Variants in LILRB2 observed in about 807,000 individuals in gnomAD.
LILRB2 encodes leukocyte immunoglobulin-like receptor subfamily B member 2.
Under a neutral mutation model 72.7 loss-of-function variants are expected in LILRB2, and 47 were observed. The observed-to-expected ratio is 0.65, with a 90% CI of 0.51 to 0.82. The LOEUF (loss-of-function observed/expected upper bound fraction) is 0.82. Ranked by LOEUF, LILRB2 falls within the 40% of genes least tolerant of loss-of-function variation. The probability of loss-of-function intolerance (pLI) is 0.00; values close to 1 mark genes in which losing one functional copy is unlikely to be tolerated. For missense variants in LILRB2, 767 were observed against 764.8 expected, an observed-to-expected ratio of 1.00 and a Z score of -0.03; for synonymous variants, 279 against 313.7, an observed-to-expected ratio of 0.89 and a Z score of 1.17.
rs55849651 is a variant in LILRB2, at chr19:54,273,856, TCACACACACACACA to T, written c.*813_*826del. 3.4e-4 allele frequency: 51 copies of T among 148,992 alleles called. No individual in the cohort carries two copies. Among genetic ancestry groups the T allele is most frequent in the African/African-American group, 1.2e-3 (49 of 40,658 alleles). The allele number at this position is 148,992 out of a possible 1,614,324, so 9.2% of individuals were successfully genotyped here. Reference sequence around the variant, plus strand: ...ACATTTTTATTACAGTCAATGTTTTTCACACACACACACACACACACACACACACATATATATAC... The same window carrying T: ...ACATTTTTATTACAGTCAATGTTTTTCACACACACACACACATATATATAC... On this transcript the variant is annotated 3_prime_UTR_variant, in exon 14 of 14. Coordinates refer to ENST00000314446, the MANE Select transcript of LILRB2 (RefSeq NM_001080978.4).
chr19:54,279,633 G>T lies in LILRB2; in HGVS notation c.370C>A (p.Pro124Thr). 6.2e-7 allele frequency: 1 copy of T among 1,606,062 alleles called. No homozygotes were observed. Among genetic ancestry groups the T allele is most frequent in the South Asian group, 1.1e-5 (1 of 90,390 alleles). ...VLVMTGAYPK[P>T]TLSAQPSPVV... The stretch of plus-strand genomic sequence containing the variant: ...GGGCTGGGCTGGGCTGAGAGGGTGG[G>T]TTTTGGGTAGGCTCCTAGGAGAGAA... The change falls in exon 5 of 14, where the codon CCC becomes ACC. Residue 124 changes from proline to threonine, a missense_variant. By Grantham distance (38) the Pro-to-Thr change is conservative. This residue lies in a region of LILRB2 where 599 missense variants were observed against 568.2 expected (regional missense o/e 1.05). Transcript: ENST00000314446.
At chr19:54,278,082 C>G (rs1033163757) in intron 7 of LILRB2, 143 bp from the exon 8 acceptor site, 16 of 1,121,738 alleles carry the variant, frequency 1.4e-5, no homozygotes, top group African/African-American at 3.2e-5. Context: ...CTGGCGATGC[C>G]GCTGAGTGTG....
At chr19:54,275,020 A>T in intron 13 of LILRB2, 191 bp from the exon 14 acceptor site, 1 of 1,606,872 alleles carries the variant, frequency 6.2e-7, no homozygotes, top group Non-Finnish European at 8.5e-7. Flanking sequence ...GGAGTGTTTC[A>T]CCGGGGCATA....
At position 54,278,896 on chromosome 19, in the gene LILRB2, C is replaced by T. The variant is rs761468741; in HGVS notation, c.871G>A (p.Gly291Arg). The T allele has an allele frequency of 2.5e-5, 40 of 1,614,028 alleles. No homozygotes were observed. Among genetic ancestry groups the T allele is most frequent in the East Asian group, 1.3e-4 (6 of 44,882 alleles). Reference protein sequence around the residue: ...FTLGPVSRSYGGQYRCYGAHN... With the variant: ...FTLGPVSRSYRGQYRCYGAHN... ...GCACCGTAGCATCTGTACTGGCCCC[C>T]GTAGGAGCGGCTCACAGGGCCCAGG... Residue 291 changes from glycine (G) to arginine (R), a missense_variant, in exon 6 of 14, where the codon GGG becomes AGG. Physicochemically the swap from Gly to Arg is moderately radical, Grantham distance 125. Around this residue, in one of 3 missense-constraint regions of LILRB2, gnomAD observed 599 missense variants for 568.2 expected, o/e 1.05. Coordinates refer to ENST00000314446, the MANE Select transcript of LILRB2 (RefSeq NM_001080978.4).
chr19:54,276,119 A>G (rs2080210116), intron 12 of LILRB2, 116 bp from the exon 13 acceptor site: 2 of 1,552,406 alleles, frequency 1.3e-6, no homozygotes, highest in Non-Finnish European at 1.8e-6. Context: ...AGGGGCTGCA[A>G]TGTCCCTGAG....
At chr19:54,277,199 C>G (rs967926365) in intron 9 of LILRB2, 1 of 1,530,506 alleles carries the variant, frequency 6.5e-7, no homozygotes, top group Admixed American at 2.0e-5. Flanking sequence ...CAGAGCCGAG[C>G]CCCGGAGCTG....
chr19:54,280,412 G>C (rs1280259996), intron 2 of LILRB2, 51 bp downstream of exon 2: 3 of 1,614,048 alleles, frequency 1.9e-6, no homozygotes, highest in Non-Finnish European at 2.5e-6. Context: ...GTTTGGCTGT[G>C]GGGTGAGGTC....
In LILRB2 at chr19:54,279,776, T is replaced by A; in HGVS notation, c.355+15A>T. The A allele has an allele frequency of 6.2e-7, 1 of 1,613,648 alleles. No individual in the cohort carries two copies. The highest frequency in any genetic ancestry group is 8.5e-7 in the Non-Finnish European group (1 of 1,179,678). On this transcript the variant is annotated intron_variant, in intron 4 of 13. Coordinates refer to ENST00000314446, the MANE Select transcript of LILRB2 (RefSeq NM_001080978.4). ...GGGCAGAGCCTGGGGCTGGGATCCCTGAGTGTCCTCTCACCTGTCATCACC... is the reference window on the plus strand; with the variant it reads ...GGGCAGAGCCTGGGGCTGGGATCCCAGAGTGTCCTCTCACCTGTCATCACC...
At chr19:54,276,108 G>C in intron 12 of LILRB2, 105 bp from the exon 13 acceptor site, 1 of 1,556,640 alleles carries the variant, frequency 6.4e-7, no homozygotes, top group Non-Finnish European at 8.8e-7. Flanking sequence ...GAGATGCAGG[G>C]AGGGGCTGCA....
chr19:54,274,916 C>G (rs530287653), intron 13 of LILRB2, 87 bp from the exon 14 acceptor site: 847 of 1,610,684 alleles, frequency 5.3e-4, no homozygotes, highest in Non-Finnish European at 6.9e-4. Flanking sequence ...CTCTCAGTGT[C>G]CATCTGTCTG....
At chr19:54,277,651 A>G in intron 8 of LILRB2, 54 bp from the exon 9 acceptor site, 1 of 1,536,428 alleles carries the variant, frequency 6.5e-7, no homozygotes, top group Non-Finnish European at 8.8e-7. Context: ...TCCCCACATC[A>G]GCCCGGCTGC....
At chr19:54,277,330 C>T (rs1601104607) in intron 9 of LILRB2, 1 of 1,236,756 alleles carries the variant, frequency 8.1e-7, no homozygotes, top group Non-Finnish European at 1.1e-6. Flanking sequence ...GGAGTCTTCC[C>T]TGAGGGGCCT....
chr19:54,277,878 C>T lies in LILRB2; in HGVS notation c.1309+11G>A, dbSNP rs1489195323. On this transcript the variant is annotated intron_variant, in intron 8 of 13. Coordinates refer to ENST00000314446, the MANE Select transcript of LILRB2 (RefSeq NM_001080978.4). ...TGCGCTCCCTTCGAGCCAGAGGCCT[C>T]AGGGACTCACCAGGTGTGGAGATGG... 2.7e-5 allele frequency: 41 copies of T among 1,546,554 alleles called. No individual in the cohort carries two copies. Among genetic ancestry groups the T allele is most frequent in the Non-Finnish European group, 3.5e-5 (40 of 1,142,626 alleles).
intron 13 of LILRB2, chr19:54,275,443 C>A (rs2080175514): frequency 3.9e-6 from 2 of 518,956 alleles, no homozygotes; most frequent in Non-Finnish European, 7.6e-6. Flanking sequence ...GCCCCACTGC[C>A]CCACACTCTC....
chr19:54,277,789 C>T (rs2147769174), intron 8 of LILRB2, 100 bp downstream of exon 8: 1 of 1,330,288 alleles, frequency 7.5e-7, no homozygotes, highest in Non-Finnish European at 1.1e-6. Context: ...GGACAGAAGC[C>T]CTTGATTGAG....
At chr19:54,276,540 A>C in intron 10 of LILRB2, 84 bp from the exon 11 acceptor site, 1 of 1,344,602 alleles carries the variant, frequency 7.4e-7, no homozygotes, top group Non-Finnish European at 1.0e-6. Flanking sequence ...AAGGAAGGAA[A>C]CCTAAAAACA....
chr19:54,280,005 G>C lies in LILRB2; in HGVS notation c.141C>G (p.Leu47=). The part of the protein sequence containing the change: ...SVITQGSPVT[L]SCQGSLEAQE... Reference sequence around the variant, plus strand: ...GGGCTTCAAGGCTCCCCTGACAACTGAGGGTGACGGGACTCCCCTGGGTGA... The same window carrying C: ...GGGCTTCAAGGCTCCCCTGACAACTCAGGGTGACGGGACTCCCCTGGGTGA... Residue 47 remains leucine, a synonymous_variant, in exon 4 of 14, where the codon CTC becomes CTG. Transcript: ENST00000314446. 1.2e-6 allele frequency: 2 copies of C among 1,614,144 alleles called. No individual in the cohort carries two copies. Among genetic ancestry groups the C allele is most frequent in the South Asian group, 2.2e-5 (2 of 91,088 alleles).
At chr19:54,277,125 G>A in intron 9 of LILRB2, 196 bp from the exon 10 acceptor site, 2 of 1,500,050 alleles carry the variant, frequency 1.3e-6, no homozygotes, top group East Asian at 2.5e-5. Context: ...CGGGCCCCCA[G>A]CCAGGAAGCG....
chr19:54,276,593 T>C (rs3893872), intron 10 of LILRB2, 137 bp from the exon 11 acceptor site: 78 of 1,437,280 alleles, frequency 5.4e-5, no homozygotes, highest in African/African-American at 4.3e-4. Context: ...ATGGACAGAG[T>C]CCGAAGGACA....
Sources: allele counts gnomAD v4.1 joint callset, GRCh38; gene constraint gnomAD v4.1.1; regional missense constraint gnomAD v4.1.1; transcripts MANE v1.5; gene names NCBI Gene and HGNC (gene_info 2026-07-23, HGNC 2026-07-21).